The following ADARB1 variants were observed in gnomAD, a reference collection of about 807,000 sequenced individuals.
The protein encoded by ADARB1 is adenosine deaminase RNA specific B1.
In ADARB1, 10 loss-of-function variants were observed where a neutral mutation model predicts 52.4. That is an observed-to-expected ratio of 0.19 (90% CI 0.12 to 0.32). ADARB1 has a LOEUF of 0.32. Among genes scored for constraint, ADARB1 ranks in the 10% least tolerant of loss-of-function variants. ADARB1 has a pLI of 1.00. For synonymous variants in ADARB1, 349 were observed against 371.1 expected (o/e 0.94, Z 0.68); for missense variants, 643 against 922.3 (o/e 0.70, Z 3.92).
chr21:45,134,192 G>A (rs1324412873), intron 2 of ADARB1, among the ~76,000 whole-genome samples: 2 of 120,598 alleles, frequency 1.7e-5, no homozygotes, highest in African/African-American at 6.6e-5. Context: ...TGGTGTGTGC[G>A]CCCGATGGGT....
intron 1 of ADARB1, among the ~76,000 whole-genome samples, chr21:45,112,863 G>A (rs2087606481): frequency 1.3e-5 from 2 of 152,074 alleles, no homozygotes; most frequent in Non-Finnish European, 1.5e-5. Flanking sequence ...CTCAAAGATG[G>A]AGAGTGTCAT....
chr21:45,196,792 T>G (rs1569153738), intron 8 of ADARB1, among the ~76,000 whole-genome samples: 1 of 152,080 alleles, frequency 6.6e-6, no homozygotes, highest in African/African-American at 2.4e-5. Flanking sequence ...TCTCTTGGAG[T>G]GGCTGAAATT....
intron 2 of ADARB1, chr21:45,132,065 A>G (rs1384112292): frequency 2.6e-5 from 4 of 152,282 alleles, no homozygotes; most frequent in African/African-American, 4.8e-5. Context: ...TCTTCCTTCA[A>G]AGTAATTTAT....
chr21:45,112,316 G>A (rs1221270632), intron 1 of ADARB1, among the ~76,000 whole-genome samples: 1 of 152,120 alleles, frequency 6.6e-6, no homozygotes, highest in Non-Finnish European at 1.5e-5. Context: ...TTCTGGAATT[G>A]CCTTTTTTAT....
chr21:45,190,416 T>G (rs190395093), intron 8 of ADARB1, among the ~76,000 whole-genome samples: 1 of 152,322 alleles, frequency 6.6e-6, no homozygotes, highest in East Asian at 1.9e-4. Context: ...TTTTAAATTC[T>G]TTTTTAGACA....
At chr21:45,098,088 C>T (rs1185343539) in intron 1 of ADARB1, among the ~76,000 whole-genome samples, 1 of 152,240 alleles carries the variant, frequency 6.6e-6, no homozygotes, top group East Asian at 1.9e-4. Flanking sequence ...ACATTTGTGC[C>T]TGCTGTCCCT....
At chr21:45,140,677 GT>G (rs760904427) in intron 2 of ADARB1, among the ~76,000 whole-genome samples, 6 of 152,136 alleles carry the variant, frequency 3.9e-5, no homozygotes, top group Non-Finnish European at 8.8e-5. Context: ...CCAGAAGCCA[GT>G]TTCCTTCAGA....
chr21:45,132,666 G>T (rs1019834754), intron 2 of ADARB1, among the ~76,000 whole-genome samples: 3 of 152,144 alleles, frequency 2.0e-5, no homozygotes, highest in African/African-American at 7.2e-5. Context: ...CCAGATGTGG[G>T]GTTGGTGGCA....
intron 2 of ADARB1, among the ~76,000 whole-genome samples, chr21:45,171,269 C>T (rs919484845): frequency 1.3e-5 from 2 of 152,216 alleles, no homozygotes; most frequent in Admixed American, 6.5e-5. Flanking sequence ...ATCAAACCCA[C>T]CCTCCTCAGA....
At chr21:45,085,424 C>T (rs560429933) in intron 1 of ADARB1, among the ~76,000 whole-genome samples, 3 of 152,268 alleles carry the variant, frequency 2.0e-5, no homozygotes, top group Admixed American at 2.0e-4. Context: ...AGTGTGAAGT[C>T]GATTTAAACA....
In ADARB1 at chr21:45,222,621, C is replaced by G. The variant is rs142111080; in HGVS notation, c.*424C>G. On this transcript the variant is annotated 3_prime_UTR_variant, in exon 11 of 11. Transcript: ENST00000348831. ...TTTATAAAATAGGAAGTAATTGTGT[C>G]AGGTCACTTTTATGCCACATTATTT... 1.0e-5 allele frequency: 10 copies of G among 997,000 alleles called. No homozygotes were observed. Among genetic ancestry groups the G allele is most frequent in the East Asian group, 1.1e-4 (1 of 9,362 alleles). The allele number at this position is 997,000 out of a possible 1,614,324, so 61.8% of individuals were successfully genotyped here.
intron 1 of ADARB1, among the ~76,000 whole-genome samples, chr21:45,082,133 C>T (rs1185911636): frequency 6.6e-6 from 1 of 152,154 alleles, no homozygotes; most frequent in African/African-American, 2.4e-5. Context: ...ATGCCACGTT[C>T]CAGAGGATCT....
At chr21:45,126,966 A>G (rs952849446) in intron 1 of ADARB1, among the ~76,000 whole-genome samples, 62 of 152,282 alleles carry the variant, frequency 4.1e-4, no homozygotes, top group African/African-American at 1.5e-3. Flanking sequence ...TCTTGGTTTC[A>G]TGTCCTTTCT....
At chr21:45,102,925 A>G (rs918929685) in intron 1 of ADARB1, among the ~76,000 whole-genome samples, 3 of 152,188 alleles carry the variant, frequency 2.0e-5, no homozygotes, top group African/African-American at 7.2e-5. Flanking sequence ...TCAACCCAGC[A>G]GGGGCCAGGT....
In ADARB1 at chr21:45,165,422, G is replaced by A. The variant is rs546971034; in HGVS notation, c.-47-6188G>A. On this transcript the variant is annotated intron_variant, in intron 2 of 10. Transcript: ENST00000348831. ...CCTTTTGCATTGCACTAGAAAAAAT[G>A]TGTTTGCTGAAAATTAGGCACAAAT... Among the ~76,000 whole-genome samples, 22 of 152,210 alleles carry A rather than the reference G, an allele frequency of 1.4e-4. No individual in the cohort carries two copies. In the South Asian group the frequency reaches 1.9e-3, roughly 13 times the overall value.
chr21:45,198,382 C>T (rs990825024), intron 8 of ADARB1, among the ~76,000 whole-genome samples: 4 of 152,144 alleles, frequency 2.6e-5, no homozygotes, highest in African/African-American at 7.2e-5. Context: ...CACTTCAGCA[C>T]TGATAGGTTT....
At chr21:45,215,391 T>A (rs1412059860) in intron 9 of ADARB1, among the ~76,000 whole-genome samples, 1 of 152,184 alleles carries the variant, frequency 6.6e-6, no homozygotes, top group Non-Finnish European at 1.5e-5. Flanking sequence ...CAAGACATTT[T>A]TTTTTTCTAT....
rs1025067119 is a variant in ADARB1 at position 45,226,224 on chromosome 21, C to T, written c.*4027C>T. ...CATAAGCTGATGGTATGTAAGGAACCGATGGGCCATTAAACATGAACTGAA... is the reference window on the plus strand; with the variant it reads ...CATAAGCTGATGGTATGTAAGGAACTGATGGGCCATTAAACATGAACTGAA... On this transcript the variant is annotated 3_prime_UTR_variant, in exon 11 of 11. Transcript: ENST00000348831. 2.6e-5 allele frequency: 4 copies of T among 152,444 alleles called. No individual in the cohort carries two copies. The highest frequency in any genetic ancestry group is 6.5e-5 in the Admixed American group (1 of 15,268). The allele number at this position is 152,444 out of a possible 1,614,324, so 9.4% of individuals were successfully genotyped here. A position where few individuals can be genotyped will look rare whatever the true frequency, so the allele number is the denominator to read the frequency against.
In ADARB1 at chr21:45,176,132, A is replaced by C. The variant is rs1293020809; in HGVS notation, c.431A>C (p.Gln144Pro). ...AAEKALRSFV[Q>P]FPNASEAHLA... is the part of the protein sequence containing the mutation. ...GAGAAGGCCTTGAGGTCTTTCGTTCAGTTTCCTAATGCCTCTGAGGCCCAC... is the reference window on the plus strand; with the variant it reads ...GAGAAGGCCTTGAGGTCTTTCGTTCCGTTTCCTAATGCCTCTGAGGCCCAC... Residue 144 changes from glutamine (Q) to proline (P), a missense_variant, in exon 4 of 11, where the codon CAG (glutamine) becomes CCG (proline). Physicochemically the swap from Gln to Pro is moderately conservative, Grantham distance 76 (BLOSUM62 -1). Transcript: ENST00000348831. The surrounding 1 kb of genome is among the most constrained non-coding windows in gnomAD (Gnocchi z 5.8). 7 of 1,613,972 alleles carry C rather than the reference A, an allele frequency of 4.3e-6. No individual in the cohort carries two copies. The highest frequency in any genetic ancestry group is 2.5e-6 in the Non-Finnish European group (3 of 1,180,012).
Sources: allele counts gnomAD v4.1 joint callset (sites outside exome capture counted in the v4.1 genomes callset), GRCh38; gene constraint gnomAD v4.1.1; non-coding constraint Gnocchi (gnomAD v3.1); transcripts MANE v1.5; gene names NCBI Gene and HGNC (gene_info 2026-07-23, HGNC 2026-07-21).